The following SAMD4A variants were observed in gnomAD, a reference collection of about 807,000 sequenced individuals.
SAMD4A encodes the protein sterile alpha motif domain containing 4A.
SAMD4A carries 33 observed loss-of-function variants against 81.3 expected under a neutral mutation model. The ratio of observed to expected loss-of-function variants is 0.41; its 90% confidence interval spans 0.31 to 0.54. The LOEUF (loss-of-function observed/expected upper bound fraction) is 0.54. Among genes scored for constraint, SAMD4A ranks in the 20% least tolerant of loss-of-function variants. The probability of loss-of-function intolerance (pLI) is 0.37; values close to 1 mark genes in which losing one functional copy is unlikely to be tolerated. For missense variants in SAMD4A, 854 were observed against 951.1 expected, an observed-to-expected ratio of 0.90 and a Z score of 1.34; for synonymous variants, 389 against 382.1, an observed-to-expected ratio of 1.02 and a Z score of -0.21.
At chr14:54,691,540 T>C (rs1244765898) in intron 2 of SAMD4A, among the ~76,000 whole-genome samples, 4 of 119,932 alleles carry the variant, frequency 3.3e-5, no homozygotes, top group Non-Finnish European at 1.6e-5. Context: ...AAAAAGTAGC[T>C]TCCCTTCTCA....
intron 2 of SAMD4A, among the ~76,000 whole-genome samples, chr14:54,670,408 T>C (rs2140510081): frequency 6.6e-6 from 1 of 152,296 alleles, no homozygotes; most frequent in African/African-American, 2.4e-5. Context: ...TTGCCTTTCT[T>C]AACTCTTACA....
intron 2 of SAMD4A, among the ~76,000 whole-genome samples, chr14:54,675,525 G>A (rs1303873648): frequency 6.6e-6 from 1 of 152,160 alleles, no homozygotes; most frequent in African/African-American, 2.4e-5. Context: ...AATAGTGTAA[G>A]GACATGAGAA....
intron 2 of SAMD4A, among the ~76,000 whole-genome samples, chr14:54,657,958 T>C (rs1397351561): frequency 6.6e-6 from 1 of 152,192 alleles, no homozygotes; most frequent in African/African-American, 2.4e-5. Context: ...TTCTAGGACC[T>C]TGTAGTCAAG....
chr14:54,766,829 C>T (rs1278808458), intron 8 of SAMD4A, among the ~76,000 whole-genome samples: 1 of 152,192 alleles, frequency 6.6e-6, no homozygotes, highest in Non-Finnish European at 1.5e-5. Flanking sequence ...CTACCTGTGC[C>T]AAACAATCCA....
At chr14:54,599,205 T>G (rs1179319140) in intron 2 of SAMD4A, among the ~76,000 whole-genome samples, 2 of 152,190 alleles carry the variant, frequency 1.3e-5, no homozygotes, top group Non-Finnish European at 2.9e-5. Flanking sequence ...CATTCCCAAA[T>G]ATTATACCTG....
At chr14:54,678,430 CATTTGTGTGT>C (rs2036039309) in intron 2 of SAMD4A, among the ~76,000 whole-genome samples, 1 of 79,054 alleles carries the variant, frequency 1.3e-5, no homozygotes, top group African/African-American at 5.4e-5. Flanking sequence ...GGGCAGTCAC[CATTTGTGTGT>C]GTGTGTGTGT....
intron 3 of SAMD4A, among the ~76,000 whole-genome samples, chr14:54,724,233 A>G (rs1453493591): frequency 3.3e-5 from 5 of 152,198 alleles, no homozygotes; most frequent in Admixed American, 2.0e-4. Flanking sequence ...CTAAGCCCAG[A>G]GTTCTTTCTG....
chr14:54,665,194 T>C (rs80175580), intron 2 of SAMD4A, among the ~76,000 whole-genome samples: 7,475 of 152,290 alleles, frequency 0.049, 297 homozygotes, highest in African/African-American at 0.11. Context: ...TTGTTATCTT[T>C]AACAATAAAA....
chr14:54,609,884 C>T (rs1179751179), intron 2 of SAMD4A, among the ~76,000 whole-genome samples: 1 of 152,306 alleles, frequency 6.6e-6, no homozygotes, highest in East Asian at 1.9e-4. Context: ...AAATCACCAT[C>T]TCTTTGTGGG....
At chr14:54,718,495 G>T (rs1389411222) in intron 3 of SAMD4A, among the ~76,000 whole-genome samples, 2 of 152,154 alleles carry the variant, frequency 1.3e-5, no homozygotes, top group Non-Finnish European at 2.9e-5. Context: ...TTAGTAAAAG[G>T]CCTGCTGAAA....
Position 54,609,518 on chromosome 14 carries a change from A to G in SAMD4A, c.196+41406A>G, listed in dbSNP as rs151307132. ...TTACAGCAGCCAATTGGAAAAGAAT[A>G]CAATTCCAGCATAGCCTGCTCCTGA... On this transcript the variant is annotated intron_variant, in intron 2 of 12. Transcript: ENST00000554335. Among the ~76,000 whole-genome samples the G allele has an allele frequency of 1.9e-3, 282 of 152,382 alleles. 2 individuals are homozygous for G. The highest frequency in any genetic ancestry group is 0.013 in the South Asian group (64 of 4,834).
intron 2 of SAMD4A, among the ~76,000 whole-genome samples, chr14:54,604,275 A>G (rs926028601): frequency 4.6e-5 from 7 of 152,248 alleles, no homozygotes; most frequent in Non-Finnish European, 7.3e-5. Flanking sequence ...GCTTCCCACA[A>G]TGCCTTTTAA....
At chr14:54,665,184 T>C (rs1056519967) in intron 2 of SAMD4A, among the ~76,000 whole-genome samples, 16 of 152,220 alleles carry the variant, frequency 1.1e-4, no homozygotes, top group Non-Finnish European at 2.2e-4. Flanking sequence ...AGTGAGGTGA[T>C]TGTTATCTTT....
chr14:54,770,169 G>A lies in SAMD4A; in HGVS notation c.1662G>A (p.Arg554=), dbSNP rs771850904. Residue 554 remains arginine (R), a synonymous_variant, in exon 9 of 13, where the codon CGG becomes CGA. Coordinates refer to ENST00000554335, the MANE Select transcript of SAMD4A (RefSeq NM_015589.6). Reference sequence around the variant, plus strand: ...AACAGCAGGTGCAGAAGCTCTTTCGGTCTTTCCCTCGGAAAACCCTTCTAG... The same window carrying A: ...AACAGCAGGTGCAGAAGCTCTTTCGATCTTTCCCTCGGAAAACCCTTCTAG... ...SWKQQVQKLF[R]SFPRKTLLDI... The A allele has an allele frequency of 6.2e-7, 1 of 1,614,136 alleles. No homozygotes were observed. The highest frequency in any genetic ancestry group is 1.7e-5 in the Admixed American group (1 of 60,026).
At chr14:54,629,251 C>G (rs771944647) in intron 2 of SAMD4A, among the ~76,000 whole-genome samples, 1 of 152,142 alleles carries the variant, frequency 6.6e-6, no homozygotes, top group Non-Finnish European at 1.5e-5. Context: ...GAAGAGGCAA[C>G]GACAGATTCT....
chr14:54,630,908 A>ATATGTGTGTGTG (rs1051037883), intron 2 of SAMD4A, among the ~76,000 whole-genome samples: 2 of 144,380 alleles, frequency 1.4e-5, no homozygotes, highest in Admixed American at 7.0e-5. Flanking sequence ...TGTATTTTAT[A>ATATGTGTGTGTG]TGTGTGTGTG....
At chr14:54,596,567 A>G (rs749305043) in intron 2 of SAMD4A, among the ~76,000 whole-genome samples, 4 of 152,230 alleles carry the variant, frequency 2.6e-5, no homozygotes, top group Non-Finnish European at 4.4e-5. Context: ...CCTGGGTGAT[A>G]TAGTGAGACT....
intron 2 of SAMD4A, among the ~76,000 whole-genome samples, chr14:54,577,559 G>A (rs78588426): frequency 0.014 from 2,205 of 152,334 alleles, 61 homozygotes; most frequent in East Asian, 0.096. Context: ...TGCTTCAATA[G>A]CATGCATAAA....
At chr14:54,664,621 C>T (rs866245274) in intron 2 of SAMD4A, among the ~76,000 whole-genome samples, 1 of 151,830 alleles carries the variant, frequency 6.6e-6, no homozygotes, top group Admixed American at 6.6e-5. Flanking sequence ...CTCTTCTTCT[C>T]TCTCCTTCTT....
Sources: gnomAD v4.1 joint callset for allele counts (sites outside exome capture counted in the v4.1 genomes callset) on GRCh38, gnomAD v4.1.1 for gene constraint, MANE v1.5 for transcripts, NCBI Gene and HGNC (gene_info 2026-07-23, HGNC 2026-07-21) for gene names.